Variants in MTURN observed in about 807,000 individuals in gnomAD.
MTURN encodes maturin, neural progenitor differentiation regulator homolog, also known as maturin.
Under a neutral mutation model 14.9 loss-of-function variants are expected in MTURN, and 7 were observed. The ratio of observed to expected loss-of-function variants is 0.47; its 90% CI spans 0.27 to 0.88. MTURN has a LOEUF of 0.88. Among genes scored for constraint, MTURN ranks in the 40% least tolerant of loss-of-function variants. The probability of loss-of-function intolerance (pLI) is 0.14; values close to 1 mark genes in which losing one functional copy is unlikely to be tolerated. For synonymous variants in MTURN, 69 were observed against 72.5 expected (o/e 0.95, Z 0.25); for missense variants, 151 against 174.1 (o/e 0.87, Z 0.75).
rs771609948 is a variant in MTURN, at chr7:30,159,413, G to T, written c.*1865G>T. 6.6e-6 allele frequency: 1 copy of T among 152,182 alleles called. No individual in the cohort carries two copies. Among genetic ancestry groups the T allele is most frequent in the Non-Finnish European group, 1.5e-5 (1 of 68,016 alleles). 9.4% of individuals were successfully genotyped at this position (152,182 alleles called of 1,614,324 possible). ...TGACTTCTGCAAGTGAAATGAGGAA[G>T]CTTCACTAGCTTGCTCCATTGGAAG... On this transcript the variant is annotated 3_prime_UTR_variant, in exon 3 of 3. Transcript: ENST00000324453.
At chr7:30,145,933 G>C in intron 1 of MTURN, 1 of 1,551,750 alleles carries the variant, frequency 6.4e-7, no homozygotes, top group Non-Finnish European at 8.7e-7. Flanking sequence ...TGTAGGAGCA[G>C]ATCTGATGAT....
chr7:30,149,799 C>T (rs1251999479), intron 2 of MTURN, among the ~76,000 whole-genome samples: 1 of 152,200 alleles, frequency 6.6e-6, no homozygotes, highest in African/African-American at 2.4e-5. Context: ...GGAATCTGAT[C>T]AATCCATGCA....
At chr7:30,145,987 A>G in intron 1 of MTURN, 190 bp from the exon 2 acceptor site, 1 of 1,550,660 alleles carries the variant, frequency 6.4e-7, no homozygotes, top group Non-Finnish European at 8.7e-7. Context: ...GGGGGCTTCT[A>G]TAGATTAGAC....
Position 30,159,221 on chromosome 7 carries a change from A to G in MTURN, c.*1673A>G, listed in dbSNP as rs1583513624. 2.0e-5 allele frequency: 3 copies of G among 152,350 alleles called. No individual in the cohort carries two copies. In the East Asian group the frequency reaches 5.8e-4, roughly 29 times the overall value. The allele number at this position is 152,350 out of a possible 1,614,324, so 9.4% of individuals were successfully genotyped here. A position where few individuals can be genotyped will look rare whatever the true frequency, so the allele number is the denominator to read the frequency against. On this transcript the variant is annotated 3_prime_UTR_variant, in exon 3 of 3. Coordinates refer to ENST00000324453, the MANE Select transcript of MTURN (RefSeq NM_152793.3). ...TTCCTTCCAAGTAGCCTATTAGTAA[A>G]ACACAACTTAGTGTTTCATCCATTG...
chr7:30,143,783 A>G (rs1401732660), intron 1 of MTURN, among the ~76,000 whole-genome samples: 1 of 152,238 alleles, frequency 6.6e-6, no homozygotes, highest in Non-Finnish European at 1.5e-5. Context: ...TCATGAGGTT[A>G]GAAATGCCTT....
At chr7:30,137,492 T>C (rs1796982503) in intron 1 of MTURN, 2 of 416,876 alleles carry the variant, frequency 4.8e-6, no homozygotes, top group Non-Finnish European at 1.0e-5. Context: ...TTTAAATATT[T>C]TCCCATCTGC....
At chr7:30,150,184 T>A (rs1583508646) in intron 2 of MTURN, among the ~76,000 whole-genome samples, 1 of 152,346 alleles carries the variant, frequency 6.6e-6, no homozygotes. Context: ...GGGTACTCAG[T>A]GCAGTGCGTT....
rs958960779 is a variant in MTURN, at chr7:30,142,759, A to G, written c.163-3418A>G. 3.3e-5 allele frequency among the ~76,000 whole-genome samples: 5 copies of G among 152,262 alleles called. No homozygotes were observed. The East Asian group carries it at 9.7e-4, about 29-fold the overall frequency. The stretch of plus-strand genomic sequence containing the variant: ...TCTACTCCCTGAAGCCTTTCCAGGC[A>G]TTTCTCCTTTAGTCCAAGGGAGTCC... On this transcript the variant is annotated intron_variant, in intron 1 of 2. Coordinates refer to ENST00000324453, the MANE Select transcript of MTURN (RefSeq NM_152793.3).
chr7:30,161,227 GACTTA>G lies in MTURN; in HGVS notation c.*3684_*3688del, dbSNP rs1797369679. On this transcript the variant is annotated 3_prime_UTR_variant, in exon 3 of 3. Transcript: ENST00000324453. ...CAGAGAGGCATGAAGGAATAGGCAG[GACTTA>G]ACTTGGGGTGGGAGGAGATGAATAA... is the stretch of plus-strand genomic sequence containing the variant. The G allele has an allele frequency of 6.6e-6, 1 of 152,494 alleles. No individual in the cohort carries two copies. Among genetic ancestry groups the G allele is most frequent in the Admixed American group, 6.5e-5 (1 of 15,276 alleles). The allele number at this position is 152,494 out of a possible 1,614,324, so 9.4% of individuals were successfully genotyped here.
At chr7:30,150,635 G>A (rs1797196885) in intron 2 of MTURN, among the ~76,000 whole-genome samples, 2 of 152,220 alleles carry the variant, frequency 1.3e-5, no homozygotes, top group African/African-American at 4.8e-5. Context: ...CGAAGGGCTA[G>A]GAGTATCAGT....
At chr7:30,154,929 T>C (rs762896521) in intron 2 of MTURN, among the ~76,000 whole-genome samples, 1 of 152,216 alleles carries the variant, frequency 6.6e-6, no homozygotes, top group Non-Finnish European at 1.5e-5. Flanking sequence ...GTCATGGCTA[T>C]GTGCTTGGTT....
chr7:30,154,747 C>A (rs1411445119), intron 2 of MTURN, among the ~76,000 whole-genome samples: 2 of 152,182 alleles, frequency 1.3e-5, no homozygotes, highest in Non-Finnish European at 2.9e-5. Context: ...CCTCCAAATT[C>A]CAGAAGGCCA....
At chr7:30,147,656 A>C (rs997285089) in intron 2 of MTURN, among the ~76,000 whole-genome samples, 2 of 152,170 alleles carry the variant, frequency 1.3e-5, no homozygotes, top group African/African-American at 4.8e-5. Context: ...TTAATATTTT[A>C]TATTTAAGAA....
At chr7:30,136,880 A>C (rs111686401) in intron 1 of MTURN, among the ~76,000 whole-genome samples, 2 of 152,108 alleles carry the variant, frequency 1.3e-5, no homozygotes, top group East Asian at 1.9e-4. Context: ...GAGCCCCACA[A>C]ATTTGGGGTT....
chr7:30,147,055 C>T (rs1797140932), intron 2 of MTURN, among the ~76,000 whole-genome samples: 1 of 152,212 alleles, frequency 6.6e-6, no homozygotes, highest in Admixed American at 6.5e-5. Flanking sequence ...ATTTATTTTT[C>T]AAATCTGTTC....
At chr7:30,147,302 G>C (rs897769759) in intron 2 of MTURN, among the ~76,000 whole-genome samples, 4 of 152,248 alleles carry the variant, frequency 2.6e-5, no homozygotes. Context: ...AGTGAGGCCT[G>C]AGATGACAGT....
chr7:30,143,731 T>C (rs569533736), intron 1 of MTURN, among the ~76,000 whole-genome samples: 20 of 152,284 alleles, frequency 1.3e-4, no homozygotes, highest in African/African-American at 4.8e-4. Context: ...CCTAAATTGC[T>C]CTAAAAGGAG....
rs1018037825 is a variant in MTURN, at chr7:30,159,495, A to G, written c.*1947A>G. 2.0e-5 allele frequency: 3 copies of G among 152,662 alleles called. No individual in the cohort carries two copies. Among genetic ancestry groups the G allele is most frequent in the Admixed American group, 1.3e-4 (2 of 15,288 alleles). 9.5% of individuals were successfully genotyped at this position (152,662 alleles called of 1,614,324 possible). A position where few individuals can be genotyped will look rare whatever the true frequency, so the allele number is the denominator to read the frequency against. On this transcript the variant is annotated 3_prime_UTR_variant, in exon 3 of 3. Transcript: ENST00000324453. ...AATCTAAATTTATGTATGTTTGGAA[A>G]TGGAATGGACATTAACATAAAATGT...
Position 30,158,894 on chromosome 7 carries a change from CAT to C in MTURN, c.*1347_*1348del, listed in dbSNP as rs1397935864. ...GGGTGGGTACGTTTAAACAGTCACACATGTGCCTGTTAGGTTGTGAAAGTTTT... is the reference window on the plus strand; with the variant it reads ...GGGTGGGTACGTTTAAACAGTCACACGTGCCTGTTAGGTTGTGAAAGTTTT... On this transcript the variant is annotated 3_prime_UTR_variant, in exon 3 of 3. Coordinates refer to ENST00000324453, the MANE Select transcript of MTURN (RefSeq NM_152793.3). 1 of 152,136 alleles carries C rather than the reference CAT, an allele frequency of 6.6e-6. No individual in the cohort carries two copies. Among genetic ancestry groups the C allele is most frequent in the East Asian group, 1.9e-4 (1 of 5,186 alleles). 9.4% of individuals were successfully genotyped at this position (152,136 alleles called of 1,614,324 possible). A position where few individuals can be genotyped will look rare whatever the true frequency, so the allele number is the denominator to read the frequency against.
Sources: gnomAD v4.1 joint callset for allele counts (sites outside exome capture counted in the v4.1 genomes callset) on GRCh38, gnomAD v4.1.1 for gene constraint, MANE v1.5 for transcripts, NCBI Gene and HGNC (gene_info 2026-07-23, HGNC 2026-07-21) for gene names.